FYN: variants seen among roughly 807,000 people sequenced by gnomAD.
FYN encodes FYN proto-oncogene, Src family tyrosine kinase.
A neutral mutation model predicts 70.2 loss-of-function variants in FYN; 10 were observed. The ratio of observed to expected loss-of-function variants is 0.14; its 90% CI spans 0.09 to 0.24. The LOEUF (loss-of-function observed/expected upper bound fraction) is 0.24, where lower values mean the gene tolerates loss of function less well. Among genes scored for constraint, FYN ranks in the 10% least tolerant of loss-of-function variants. The pLI, the probability that FYN is intolerant of heterozygous loss-of-function variation, is 1.00. For synonymous variants in FYN, 236 were observed against 248.6 expected (o/e 0.95, Z 0.48); for missense variants, 319 against 673.1 (o/e 0.47, Z 5.82).
At chr6:111,800,564 G>A (rs1193917919) in intron 2 of FYN, among the ~76,000 whole-genome samples, 1 of 152,206 alleles carries the variant, frequency 6.6e-6, no homozygotes, top group South Asian at 2.1e-4. Context: ...GACTGCAACC[G>A]CGCTTCCTAA....
At position 111,804,561 on chromosome 6, in the gene FYN, C is replaced by T. The variant is rs554655441; in HGVS notation, c.-81-23926G>A. 3.3e-5 allele frequency among the ~76,000 whole-genome samples: 5 copies of T among 152,290 alleles called. No individual in the cohort carries two copies. In the South Asian group the frequency reaches 1.0e-3, roughly 32 times the overall value. Reference sequence around the variant, plus strand: ...AGCTGGATTTTGGAAACAAACACACCATGCCCTAAATTACGTCCAATGCAA... The same window carrying T: ...AGCTGGATTTTGGAAACAAACACACTATGCCCTAAATTACGTCCAATGCAA... On this transcript the variant is annotated intron_variant, in intron 2 of 13. Coordinates refer to ENST00000354650, the MANE Select transcript of FYN (RefSeq NM_002037.5).
chr6:111,692,285 G>C (rs1799368597), intron 12 of FYN, among the ~76,000 whole-genome samples: 1 of 152,202 alleles, frequency 6.6e-6, no homozygotes, highest in African/African-American at 2.4e-5. Flanking sequence ...AAAGAACAAG[G>C]TTGGCCTTTT....
At chr6:111,805,506 C>T (rs1323174868) in intron 2 of FYN, among the ~76,000 whole-genome samples, 1 of 152,152 alleles carries the variant, frequency 6.6e-6, no homozygotes, top group Non-Finnish European at 1.5e-5. Flanking sequence ...TACCAGGCTG[C>T]CTCACCAAAC....
At chr6:111,835,967 C>A (rs1037624734) in intron 2 of FYN, among the ~76,000 whole-genome samples, 1 of 152,144 alleles carries the variant, frequency 6.6e-6, no homozygotes, top group Non-Finnish European at 1.5e-5. Context: ...TGGTGGCATA[C>A]TGTAAAGCAA....
intron 5 of FYN, among the ~76,000 whole-genome samples, chr6:111,711,063 C>G (rs1327224467): frequency 7.2e-5 from 11 of 152,152 alleles, no homozygotes. Context: ...ACACCCCACA[C>G]CAAGAAAAGT....
intron 3 of FYN, among the ~76,000 whole-genome samples, chr6:111,729,397 C>A (rs973816373): frequency 2.0e-5 from 3 of 150,902 alleles, no homozygotes; most frequent in Non-Finnish European, 2.9e-5. Context: ...TCGCTTGAAC[C>A]AGGAAAGCAG....
chr6:111,840,783 A>C (rs901523993), intron 2 of FYN, among the ~76,000 whole-genome samples: 9 of 152,208 alleles, frequency 5.9e-5, no homozygotes, highest in African/African-American at 1.9e-4. Context: ...CTTTTCAGCC[A>C]TTCTTCACAT....
At chr6:111,795,952 A>G (rs1771791246) in intron 2 of FYN, among the ~76,000 whole-genome samples, 1 of 152,232 alleles carries the variant, frequency 6.6e-6, no homozygotes, top group African/African-American at 2.4e-5. Context: ...TATAAATAAT[A>G]ATAGCTAACA....
intron 3 of FYN, among the ~76,000 whole-genome samples, chr6:111,739,196 A>C (rs1801836083): frequency 6.6e-6 from 1 of 152,206 alleles, no homozygotes; most frequent in African/African-American, 2.4e-5. Flanking sequence ...GGGCACCTGA[A>C]ACCTGTCCTG....
At chr6:111,740,086 G>A (rs1273535430) in intron 3 of FYN, among the ~76,000 whole-genome samples, 2 of 152,090 alleles carry the variant, frequency 1.3e-5, no homozygotes, top group Non-Finnish European at 2.9e-5. Context: ...CTCCCAAAGT[G>A]CTGGGAGTAT....
At chr6:111,783,882 C>T (rs996315101) in intron 2 of FYN, among the ~76,000 whole-genome samples, 1 of 152,214 alleles carries the variant, frequency 6.6e-6, no homozygotes, top group African/African-American at 2.4e-5. Flanking sequence ...CAGCTGAGGC[C>T]TCACCCAAGC....
intron 3 of FYN, among the ~76,000 whole-genome samples, chr6:111,776,685 C>T (rs1770956462): frequency 1.3e-5 from 2 of 152,100 alleles, no homozygotes; most frequent in Admixed American, 6.5e-5. Flanking sequence ...GCCTAGAAGC[C>T]GGGTGAGTGC....
At chr6:111,801,880 C>A (rs1771996982) in intron 2 of FYN, among the ~76,000 whole-genome samples, 1 of 152,160 alleles carries the variant, frequency 6.6e-6, no homozygotes, top group Admixed American at 6.5e-5. Context: ...CTGTTAGGCA[C>A]CAGGGGAAGA....
intron 1 of FYN, among the ~76,000 whole-genome samples, chr6:111,853,003 G>A (rs2114497504): frequency 6.6e-6 from 1 of 152,338 alleles, no homozygotes; most frequent in South Asian, 2.1e-4. Flanking sequence ...TGTGACTTCA[G>A]AGTATTCCTC....
intron 2 of FYN, among the ~76,000 whole-genome samples, chr6:111,813,263 C>T (rs1772383115): frequency 6.6e-6 from 1 of 152,102 alleles, no homozygotes; most frequent in African/African-American, 2.4e-5. Context: ...CCCATCCAAC[C>T]CAGTTGAACT....
At chr6:111,798,237 T>C (rs1262940144) in intron 2 of FYN, 3 of 152,220 alleles carry the variant, frequency 2.0e-5, no homozygotes, top group African/African-American at 2.4e-5. Context: ...GCACCTCTAC[T>C]GTGCATCTCT....
At chr6:111,760,735 C>T (rs11964650) in intron 3 of FYN, among the ~76,000 whole-genome samples, 16,189 of 152,202 alleles carry the variant, frequency 0.11, 1,330 homozygotes, top group African/African-American at 0.23. Flanking sequence ...CACCCATGTT[C>T]CTCACTGTGG....
chr6:111,794,333 T>C (rs1196423786), intron 2 of FYN, among the ~76,000 whole-genome samples: 1 of 152,252 alleles, frequency 6.6e-6, no homozygotes, highest in African/African-American at 2.4e-5. Context: ...AGATAACATA[T>C]GCTTTTTAAA....
intron 2 of FYN, among the ~76,000 whole-genome samples, chr6:111,806,974 G>A (rs188994573): frequency 7.2e-5 from 11 of 152,256 alleles, no homozygotes; most frequent in Admixed American, 2.6e-4. Flanking sequence ...GGACCCCAGC[G>A]CTGATTGTCC....
Sources: allele counts gnomAD v4.1 joint callset (sites outside exome capture counted in the v4.1 genomes callset), GRCh38; gene constraint gnomAD v4.1.1; transcripts MANE v1.5; gene names NCBI Gene and HGNC (gene_info 2026-07-23, HGNC 2026-07-21).